Variants in EPHA5 observed in about 807,000 individuals in gnomAD.
EPHA5 encodes the protein EPH receptor A5, also known as ephrin type-A receptor 5.
A neutral mutation model predicts 105.0 loss-of-function variants in EPHA5; 60 were observed. The ratio of observed to expected loss-of-function variants is 0.57; its 90% CI spans 0.46 to 0.71. The LOEUF (loss-of-function observed/expected upper bound fraction) is 0.71, where lower values mean the gene tolerates loss of function less well. EPHA5 is among the 30% of genes least tolerant of loss of function. The pLI, the probability that EPHA5 is intolerant of heterozygous loss-of-function variation, is 0.00. For synonymous variants in EPHA5, 513 were observed against 449.1 expected (o/e 1.14, Z -1.80); for missense variants, 1,218 against 1,274.7 (o/e 0.96, Z 0.68).
chr4:65,657,099 C>T (rs553910237), intron 1 of EPHA5, among the ~76,000 whole-genome samples: 16 of 151,992 alleles, frequency 1.1e-4, no homozygotes, highest in African/African-American at 2.7e-4. Context: ...TAATTAATAA[C>T]AACAATGTTT....
intron 2 of EPHA5, among the ~76,000 whole-genome samples, chr4:65,604,677 C>T (rs1178040381): frequency 6.6e-6 from 1 of 151,452 alleles, no homozygotes; most frequent in Non-Finnish European, 1.5e-5. Context: ...GCTTTCTTTC[C>T]CCTTTAACAT....
At position 65,331,083 on chromosome 4, in the gene EPHA5, A is replaced by G. The variant is rs553537371; in HGVS notation, c.2945+890T>C. On this transcript the variant is annotated intron_variant, in intron 16 of 16. Transcript: ENST00000613740. ...CATGTGTACAAATAAAATAACAACT[A>G]TGGTTTAGTGCTTCAGAATATTCTA... The G allele has an allele frequency of 1.2e-5, 12 of 1,041,580 alleles. No homozygotes were observed. The African/African-American group carries it at 2.0e-4, about 17-fold the overall frequency. 64.5% of individuals were successfully genotyped at this position (1,041,580 alleles called of 1,614,324 possible).
In EPHA5 at chr4:65,495,549, A is replaced by G. The variant is rs1381484513; in HGVS notation, c.911-6T>C. 1.9e-6 allele frequency: 3 copies of G among 1,604,364 alleles called. No homozygotes were observed. In the African/African-American group the frequency reaches 4.0e-5, roughly 22 times the overall value. On this transcript the variant is annotated splice_polypyrimidine_tract_variant and splice_region_variant and intron_variant, in intron 3 of 16. Transcript: ENST00000613740. ...GAAGAACCCAGGTCTGCACACTGTCAAAAGAAATAAGAGACTAAGCTTTTC... is the reference window on the plus strand; with the variant it reads ...GAAGAACCCAGGTCTGCACACTGTCGAAAGAAATAAGAGACTAAGCTTTTC...
intron 5 of EPHA5, among the ~76,000 whole-genome samples, chr4:65,437,211 T>C (rs1250376214): frequency 2.0e-5 from 3 of 152,028 alleles, no homozygotes; most frequent in African/African-American, 4.8e-5. Flanking sequence ...AAACTTATTC[T>C]AGAATCTCAG....
At chr4:65,607,659 G>A (rs148056269) in intron 2 of EPHA5, among the ~76,000 whole-genome samples, 1 of 152,242 alleles carries the variant, frequency 6.6e-6, no homozygotes, top group East Asian at 1.9e-4. Flanking sequence ...TTACAATGGC[G>A]ATCATTAAAA....
At chr4:65,381,483 A>G (rs1163567170) in intron 8 of EPHA5, among the ~76,000 whole-genome samples, 1 of 151,792 alleles carries the variant, frequency 6.6e-6, no homozygotes, top group Non-Finnish European at 1.5e-5. Context: ...AAACAAATCC[A>G]GTAATGATAC....
chr4:65,464,803 G>T (rs1456287057), intron 5 of EPHA5, among the ~76,000 whole-genome samples: 1 of 151,906 alleles, frequency 6.6e-6, no homozygotes, highest in African/African-American at 2.4e-5. Flanking sequence ...TTGGCTATTA[G>T]ATTAGATACT....
At chr4:65,472,565 C>A (rs190110800) in intron 5 of EPHA5, among the ~76,000 whole-genome samples, 4 of 152,318 alleles carry the variant, frequency 2.6e-5, no homozygotes, top group African/African-American at 9.6e-5. Context: ...TTCTGTGCAC[C>A]TGCAGGCCCA....
chr4:65,596,913 A>G (rs1436639258), intron 3 of EPHA5, among the ~76,000 whole-genome samples: 1 of 152,162 alleles, frequency 6.6e-6, no homozygotes, highest in Non-Finnish European at 1.5e-5. Context: ...ATGGACACCT[A>G]ATATACCTAA....
rs151019737 is a variant in EPHA5, at chr4:65,547,142, T to C, written c.911-51599A>G. 2.1e-3 allele frequency among the ~76,000 whole-genome samples: 326 copies of C among 151,978 alleles called. 1 individual carries two copies. The highest frequency in any genetic ancestry group is 3.7e-3 in the South Asian group (18 of 4,824). ...AAGGAAAGAAAGAGGTCTGTGTAGG[T>C]GTTTGTGTGAAATGCGTCACAAACA... is the stretch of plus-strand genomic sequence containing the variant. On this transcript the variant is annotated intron_variant, in intron 3 of 16. Transcript: ENST00000613740.
intron 1 of EPHA5, among the ~76,000 whole-genome samples, chr4:65,668,339 C>T (rs1161991130): frequency 6.6e-6 from 1 of 152,124 alleles, no homozygotes. Context: ...GTGTCCCGTG[C>T]CCAGGAGTGG....
chr4:65,588,378 T>C (rs1395623008), intron 3 of EPHA5, among the ~76,000 whole-genome samples: 1 of 152,188 alleles, frequency 6.6e-6, no homozygotes, highest in Non-Finnish European at 1.5e-5. Context: ...TGGCCTACTT[T>C]TGTATTTTCT....
intron 5 of EPHA5, among the ~76,000 whole-genome samples, chr4:65,445,096 C>A (rs926879936): frequency 2.0e-5 from 3 of 151,990 alleles, no homozygotes; most frequent in African/African-American, 7.2e-5. Flanking sequence ...CTGCAAATGT[C>A]TCTTATTTTT....
At chr4:65,365,336 G>A (rs1273579417) in intron 10 of EPHA5, 134 bp from the exon 11 acceptor site, 1 of 752,724 alleles carries the variant, frequency 1.3e-6, no homozygotes, top group East Asian at 2.7e-5. Context: ...CAAACAAAAA[G>A]CAGTCAGAAA....
At chr4:65,447,504 A>T (rs1051896623) in intron 5 of EPHA5, among the ~76,000 whole-genome samples, 23 of 150,524 alleles carry the variant, frequency 1.5e-4, no homozygotes, top group Admixed American at 4.0e-4. Flanking sequence ...TAATATATAT[A>T]TTTTTTCCTA....
intron 3 of EPHA5, among the ~76,000 whole-genome samples, chr4:65,579,964 T>C (rs1191805592): frequency 2.6e-5 from 4 of 151,988 alleles, no homozygotes; most frequent in African/African-American, 9.7e-5. Flanking sequence ...CGAAATTTAA[T>C]AGTCTTTATT....
Position 65,395,087 on chromosome 4 carries a change from A to G in EPHA5, c.1793+9287T>C, listed in dbSNP as rs1031968828. ...CTTGAAGAAAACTTTCTAAGTTCAA[A>G]GGATTTTACTATCAAGTCATTGCTT... On this transcript the variant is annotated intron_variant, in intron 8 of 16. Coordinates refer to ENST00000613740, the MANE Select transcript of EPHA5 (RefSeq NM_001281766.3). Among the ~76,000 whole-genome samples the G allele has an allele frequency of 8.5e-5, 13 of 152,304 alleles. No individual in the cohort carries two copies. In the East Asian group the frequency reaches 2.5e-3, roughly 29 times the overall value.
At chr4:65,332,836 T>A (rs935006759) in intron 15 of EPHA5, among the ~76,000 whole-genome samples, 1 of 151,964 alleles carries the variant, frequency 6.6e-6, no homozygotes, top group Non-Finnish European at 1.5e-5. Context: ...GCCAATCGAT[T>A]TTTCCTAGAG....
chr4:65,433,983 A>C (rs947321337), intron 5 of EPHA5, among the ~76,000 whole-genome samples: 2 of 152,158 alleles, frequency 1.3e-5, no homozygotes, highest in Admixed American at 6.5e-5. Context: ...TGAACCCGGG[A>C]GGCGGAAGTT....
Sources: gnomAD v4.1 joint callset for allele counts (sites outside exome capture counted in the v4.1 genomes callset) on GRCh38, gnomAD v4.1.1 for gene constraint, MANE v1.5 for transcripts, NCBI Gene and HGNC (gene_info 2026-07-23, HGNC 2026-07-21) for gene names.